Variants in OBI1 observed in about 807,000 individuals in gnomAD.
OBI1 encodes the protein ORC ubiquitin ligase 1.
A neutral mutation model predicts 62.4 loss-of-function variants in OBI1; 59 were observed. That is an observed-to-expected ratio of 0.95 (90% CI 0.77 to 1.17). The LOEUF (loss-of-function observed/expected upper bound fraction) is 1.17, where lower values mean the gene tolerates loss of function less well. OBI1 is among the 50% of genes most tolerant of loss of function. OBI1 has a pLI of 0.00. For missense variants in OBI1, 875 were observed against 830.9 expected, an observed-to-expected ratio of 1.05 and a Z score of -0.65; for synonymous variants, 302 against 292.8, an observed-to-expected ratio of 1.03 and a Z score of -0.32.
At position 78,638,927 on chromosome 13, in the gene OBI1, G is replaced by A; in HGVS notation, c.445C>T (p.Pro149Ser). 4.3e-6 allele frequency: 7 copies of A among 1,613,890 alleles called. No homozygotes were observed. Among genetic ancestry groups the A allele is most frequent in the East Asian group, 2.2e-5 (1 of 44,828 alleles). ...NEDKHLVTDN[P>S]SKINPETVAE... ...ACAGTTTCTGGGTTAATTTTACTTG[G>A]ATTATCTGTGACTAGATGTTTGTCT... The change falls in exon 4 of 6, where the codon CCA becomes TCA. Residue 149 changes from proline (P) to serine (S), a missense_variant. Pro to Ser is a moderately conservative substitution (Grantham distance 74). Transcript: ENST00000282003.
intron 5 of OBI1, among the ~76,000 whole-genome samples, chr13:78,628,600 T>TG (rs1203539485): frequency 1.2e-4 from 19 of 152,120 alleles, no homozygotes; most frequent in Admixed American, 1.2e-3. Context: ...GAAGAAGAGG[T>TG]GGCAGATGCA....
intron 2 of OBI1, among the ~76,000 whole-genome samples, chr13:78,642,544 T>C (rs1003240099): frequency 4.6e-5 from 7 of 152,232 alleles, no homozygotes; most frequent in Admixed American, 1.3e-4. Context: ...TATATTTAAA[T>C]AATAAAACCA....
In OBI1 at chr13:78,659,106, C is replaced by G. The variant is rs1876804370; in HGVS notation, c.15G>C (p.Val5=). 1.4e-5 allele frequency: 22 copies of G among 1,612,112 alleles called. No homozygotes were observed. In the East Asian group the frequency reaches 4.9e-4, roughly 36 times the overall value. Residue 5 remains valine (V), a synonymous_variant, in exon 1 of 6, where the codon GTG becomes GTC. Transcript: ENST00000282003. ...GAGTGAGCGACAATGTAACATTCTG[C>G]ACGGTCTGAGCCATGGCAGCGTTCA... is the stretch of plus-strand genomic sequence containing the variant. The part of the protein sequence containing the change: MAQT[V]QNVTLSLTLP...
At chr13:78,643,295 C>A (rs1405578660) in intron 2 of OBI1, among the ~76,000 whole-genome samples, 2 of 152,106 alleles carry the variant, frequency 1.3e-5, no homozygotes, top group Non-Finnish European at 2.9e-5. Flanking sequence ...AGACTTGACT[C>A]CTTGGTGAAA....
intron 5 of OBI1, among the ~76,000 whole-genome samples, chr13:78,628,370 A>G (rs1331837828): frequency 1.3e-5 from 2 of 152,190 alleles, no homozygotes; most frequent in Non-Finnish European, 2.9e-5. Flanking sequence ...TGATTTTATT[A>G]TTATGGTCTT....
In OBI1 at chr13:78,615,663, T is replaced by C; in HGVS notation, c.2098A>G (p.Asn700Asp). 1 of 1,614,094 alleles carries C rather than the reference T, an allele frequency of 6.2e-7. No individual in the cohort carries two copies. Among genetic ancestry groups the C allele is most frequent in the African/African-American group, 1.3e-5 (1 of 75,036 alleles). The change falls in exon 6 of 6, where the codon AAT becomes GAT. Residue 700 changes from asparagine to aspartate, a missense_variant. Transcript: ENST00000282003. The stretch of plus-strand genomic sequence containing the variant: ...TTTGTTGATTGATTCACATTTTTAT[T>C]CCTCTTTTCAGGCACAAAGGAAGTA... ...WSTSFVPEKRNKNVNQSTKRK... is the reference protein window; with the variant it reads ...WSTSFVPEKRDKNVNQSTKRK...
At chr13:78,636,157 TA>T (rs1876023752) in intron 4 of OBI1, among the ~76,000 whole-genome samples, 1 of 152,130 alleles carries the variant, frequency 6.6e-6, no homozygotes, top group Admixed American at 6.5e-5. Flanking sequence ...GTATAACACC[TA>T]AAAATTACCT....
chr13:78,647,498 G>C (rs1459785326), intron 1 of OBI1, among the ~76,000 whole-genome samples: 2 of 152,212 alleles, frequency 1.3e-5, no homozygotes, highest in Admixed American at 1.3e-4. Context: ...ACCTTCCCTT[G>C]AACTTATTTG....
chr13:78,624,831 C>CA (rs967451747), intron 5 of OBI1, among the ~76,000 whole-genome samples: 8 of 152,116 alleles, frequency 5.3e-5, no homozygotes, highest in Non-Finnish European at 7.4e-5. Flanking sequence ...GCTTCTGTGG[C>CA]AATTGGAACA....
intron 5 of OBI1, among the ~76,000 whole-genome samples, chr13:78,622,357 G>A (rs561712836): frequency 1.8e-4 from 27 of 152,286 alleles, no homozygotes; most frequent in African/African-American, 6.3e-4. Flanking sequence ...CTGGAGGATC[G>A]CTTGAGCCTG....
intron 1 of OBI1, among the ~76,000 whole-genome samples, chr13:78,657,836 T>A (rs1876756551): frequency 6.6e-6 from 1 of 152,132 alleles, no homozygotes; most frequent in South Asian, 2.1e-4. Flanking sequence ...CATCGCTTCT[T>A]CCCTCCCCCT....
intron 5 of OBI1, among the ~76,000 whole-genome samples, chr13:78,622,937 T>C (rs1875555797): frequency 6.6e-6 from 1 of 152,264 alleles, no homozygotes; most frequent in Admixed American, 6.5e-5. Flanking sequence ...GTTCAAAGCC[T>C]CTGGCATCTC....
At chr13:78,640,723 C>T (rs1295395505) in intron 3 of OBI1, among the ~76,000 whole-genome samples, 2 of 152,100 alleles carry the variant, frequency 1.3e-5, no homozygotes, top group Non-Finnish European at 1.5e-5. Context: ...TTGCTTGAAC[C>T]CAGGAGGCGG....
Position 78,659,104 on chromosome 13 carries a change from T to C in OBI1, c.17A>G (p.Gln6Arg). The C allele has an allele frequency of 3.7e-6, 6 of 1,612,170 alleles. No homozygotes were observed. The highest frequency in any genetic ancestry group is 5.1e-6 in the Non-Finnish European group (6 of 1,179,480). ...CAGAGTGAGCGACAATGTAACATTCTGCACGGTCTGAGCCATGGCAGCGTT... is the reference window on the plus strand; with the variant it reads ...CAGAGTGAGCGACAATGTAACATTCCGCACGGTCTGAGCCATGGCAGCGTT... MAQTV[Q>R]NVTLSLTLPI... Residue 6 changes from glutamine (Q) to arginine (R), a missense_variant, in exon 1 of 6, where the codon CAG (glutamine) becomes CGG (arginine). By Grantham distance (43) the Gln-to-Arg change is conservative. Transcript: ENST00000282003.
At chr13:78,658,932 T>G in intron 1 of OBI1, 117 bp downstream of exon 1, 1 of 823,626 alleles carries the variant, frequency 1.2e-6, no homozygotes, top group Non-Finnish European at 2.0e-6. Flanking sequence ...CGGGTTAGCG[T>G]TTTCTCCCAT....
At chr13:78,617,340 T>C in intron 5 of OBI1, 1 of 421,100 alleles carries the variant, frequency 2.4e-6, no homozygotes, top group Non-Finnish European at 4.2e-6. Flanking sequence ...CCTAATAGGA[T>C]ATTTTTGTGG....
chr13:78,656,762 C>A (rs1373298269), intron 1 of OBI1, among the ~76,000 whole-genome samples: 1 of 125,270 alleles, frequency 8.0e-6, no homozygotes, highest in East Asian at 2.2e-4. Flanking sequence ...GTTTAAAAAT[C>A]CTTAATTAAT....
At chr13:78,621,979 C>A (rs1009343423) in intron 5 of OBI1, among the ~76,000 whole-genome samples, 8 of 152,156 alleles carry the variant, frequency 5.3e-5, no homozygotes, top group Admixed American at 1.3e-4. Context: ...CACAAAAAAA[C>A]CACGAATTCT....
At position 78,615,814 on chromosome 13, in the gene OBI1, CTCTG is replaced by C. The variant is rs1267994510; in HGVS notation, c.1943_1946del (p.Thr648SerfsTer8). The C allele has an allele frequency of 5.0e-6, 8 of 1,613,692 alleles. No individual in the cohort carries two copies. Among genetic ancestry groups the C allele is most frequent in the Admixed American group, 1.7e-5 (1 of 59,960 alleles). On this transcript the variant is annotated frameshift_variant, in exon 6 of 6. Transcript: ENST00000282003. LOFTEE classifies it high-confidence loss of function. ...TGCTTAACAAAATGCCCTGGGAAAA[CTCTG>C]TCTGAAACAAGCAGCTTGGGGGTTT...
Sources: gnomAD v4.1 joint callset for allele counts (sites outside exome capture counted in the v4.1 genomes callset) on GRCh38, gnomAD v4.1.1 for gene constraint, MANE v1.5 for transcripts, NCBI Gene and HGNC (gene_info 2026-07-23, HGNC 2026-07-21) for gene names.